Variants in MACROD2 observed in about 807,000 individuals in gnomAD.
MACROD2 encodes the protein ADP-ribose glycohydrolase MACROD2.
MACROD2 carries 36 observed loss-of-function variants against 70.4 expected under a neutral mutation model. That is an observed-to-expected ratio of 0.51 (90% CI 0.39 to 0.68). The LOEUF is 0.68. Among genes scored for constraint, MACROD2 ranks in the 30% least tolerant of loss-of-function variants. The pLI is 0.00. For missense variants in MACROD2, 496 were observed against 538.4 expected (o/e 0.92, Z 0.78); for synonymous variants, 172 against 178.8 (o/e 0.96, Z 0.30).
At chr20:15,828,680 A>G (rs1236811367) in intron 8 of MACROD2, among the ~76,000 whole-genome samples, 2 of 152,214 alleles carry the variant, frequency 1.3e-5, no homozygotes, top group East Asian at 3.8e-4. Context: ...GTACATTCCA[A>G]AGGGCCATCT....
intron 5 of MACROD2, among the ~76,000 whole-genome samples, chr20:14,821,050 C>T (rs1399180147): frequency 2.0e-5 from 3 of 152,238 alleles, no homozygotes; most frequent in African/African-American, 7.2e-5. Context: ...CCTGCTAAGC[C>T]TCCTAGTCTG....
At chr20:15,097,817 G>A (rs1568572028) in intron 5 of MACROD2, among the ~76,000 whole-genome samples, 1 of 152,144 alleles carries the variant, frequency 6.6e-6, no homozygotes, top group African/African-American at 2.4e-5. Flanking sequence ...ACACGTAGCT[G>A]GTTTCTAATG....
chr20:15,604,825 T>G (rs2048870837), intron 8 of MACROD2, among the ~76,000 whole-genome samples: 1 of 152,212 alleles, frequency 6.6e-6, no homozygotes, highest in South Asian at 2.1e-4. Flanking sequence ...AGTTGCATAT[T>G]TCTGTTATAA....
At chr20:14,978,858 TATATA>T (rs2074768134) in intron 5 of MACROD2, among the ~76,000 whole-genome samples, 1 of 134,528 alleles carries the variant, frequency 7.4e-6, no homozygotes, top group Non-Finnish European at 1.5e-5. Flanking sequence ...ATTATATATA[TATATA>T]ATATATTATA....
intron 4 of MACROD2, among the ~76,000 whole-genome samples, chr20:14,567,163 TAGAA>T (rs1284240683): frequency 2.6e-5 from 4 of 151,974 alleles, no homozygotes; most frequent in Admixed American, 2.0e-4. Context: ...AATTAAAAAT[TAGAA>T]AGCATTAGTA....
chr20:15,510,882 C>A (rs2047490116), intron 8 of MACROD2, among the ~76,000 whole-genome samples: 1 of 152,210 alleles, frequency 6.6e-6, no homozygotes, highest in African/African-American at 2.4e-5. Context: ...CTTCGAAGTC[C>A]ATGACAGAAA....
At chr20:14,720,810 G>A (rs1010698751) in intron 5 of MACROD2, among the ~76,000 whole-genome samples, 3 of 151,548 alleles carry the variant, frequency 2.0e-5, no homozygotes, top group Non-Finnish European at 4.4e-5. Context: ...CCTCAGCCCC[G>A]CAATGTGCTG....
At chr20:15,234,903 G>A (rs1425975561) in intron 6 of MACROD2, among the ~76,000 whole-genome samples, 1 of 152,018 alleles carries the variant, frequency 6.6e-6, no homozygotes, top group Non-Finnish European at 1.5e-5. Flanking sequence ...TATTCTTTTT[G>A]TTTGTGAGCA....
At chr20:15,262,069 T>A (rs1235531628) in intron 6 of MACROD2, among the ~76,000 whole-genome samples, 1 of 151,944 alleles carries the variant, frequency 6.6e-6, no homozygotes, top group Non-Finnish European at 1.5e-5. Context: ...ATTATACTCT[T>A]AGTTATTTAA....
chr20:15,940,296 A>G (rs2065733704), intron 12 of MACROD2, among the ~76,000 whole-genome samples: 1 of 149,694 alleles, frequency 6.7e-6, no homozygotes, highest in South Asian at 2.1e-4. Context: ...GGGTTTCACC[A>G]TGTTATTCAG....
intron 13 of MACROD2, among the ~76,000 whole-genome samples, chr20:15,979,930 A>G (rs990147480): frequency 1.3e-5 from 2 of 152,198 alleles, no homozygotes; most frequent in African/African-American, 4.8e-5. Context: ...GAAGGGCTTT[A>G]TTCAGCTGGG....
At chr20:15,223,782 T>A (rs1052088032) in intron 5 of MACROD2, among the ~76,000 whole-genome samples, 2 of 152,162 alleles carry the variant, frequency 1.3e-5, no homozygotes, top group Non-Finnish European at 2.9e-5. Context: ...ATGTTCAAAA[T>A]TTTTTTACTG....
At chr20:14,973,982 TGG>T (rs1392530664) in intron 5 of MACROD2, among the ~76,000 whole-genome samples, 1 of 152,178 alleles carries the variant, frequency 6.6e-6, no homozygotes, top group Non-Finnish European at 1.5e-5. Context: ...GAAGCCTGCC[TGG>T]GATGAAAGTA....
intron 3 of MACROD2, among the ~76,000 whole-genome samples, chr20:14,382,410 T>C (rs983307356): frequency 1.3e-5 from 2 of 151,826 alleles, no homozygotes; most frequent in African/African-American, 2.4e-5. Flanking sequence ...GGCTCACGCC[T>C]GTAATCCCAG....
intron 5 of MACROD2, among the ~76,000 whole-genome samples, chr20:15,083,003 T>A (rs1407355460): frequency 6.6e-6 from 1 of 152,328 alleles, no homozygotes; most frequent in Non-Finnish European, 1.5e-5. Flanking sequence ...TCTCTTATTA[T>A]CAGCCTTTTC....
At chr20:14,336,375 A>G (rs1007251377) in intron 3 of MACROD2, among the ~76,000 whole-genome samples, 3 of 151,810 alleles carry the variant, frequency 2.0e-5, no homozygotes, top group Non-Finnish European at 4.4e-5. Context: ...ATAAAAACAA[A>G]CCCCCCAGAT....
At chr20:14,480,306 T>C (rs1261015854) in intron 3 of MACROD2, among the ~76,000 whole-genome samples, 1 of 152,228 alleles carries the variant, frequency 6.6e-6, no homozygotes, top group African/African-American at 2.4e-5. Flanking sequence ...TCTTTATAAT[T>C]GGCATAGAGG....
intron 4 of MACROD2, among the ~76,000 whole-genome samples, chr20:14,661,972 T>C (rs1213903588): frequency 6.6e-6 from 1 of 152,132 alleles, no homozygotes; most frequent in Non-Finnish European, 1.5e-5. Context: ...TGAGAAACGG[T>C]TATTGCAATA....
chr20:14,663,637 T>C (rs1019828351), intron 4 of MACROD2, among the ~76,000 whole-genome samples: 16 of 151,700 alleles, frequency 1.1e-4, no homozygotes, highest in Non-Finnish European at 2.1e-4. Context: ...AATTGAGAAA[T>C]CTGGATGAAG....
Sources: gnomAD v4.1 joint callset for allele counts (sites outside exome capture counted in the v4.1 genomes callset) on GRCh38, gnomAD v4.1.1 for gene constraint, MANE v1.5 for transcripts, NCBI Gene and HGNC (gene_info 2026-07-23, HGNC 2026-07-21) for gene names.